CAST: variants seen among roughly 807,000 people sequenced by gnomAD.
The protein encoded by CAST is calpastatin.
A neutral mutation model predicts 119.6 loss-of-function variants in CAST; 76 were observed. The ratio of observed to expected loss-of-function variants is 0.64; its 90% CI spans 0.53 to 0.77. The LOEUF (loss-of-function observed/expected upper bound fraction) is 0.77, where lower values mean the gene tolerates loss of function less well. Among genes scored for constraint, CAST ranks in the 30% least tolerant of loss-of-function variants. The pLI, the probability that CAST is intolerant of heterozygous loss-of-function variation, is 0.00. For missense variants in CAST, 953 were observed against 946.5 expected (o/e 1.01, Z -0.09); for synonymous variants, 319 against 331.6 (o/e 0.96, Z 0.41).
At chr5:96,451,981 T>C in the CAST span, among the ~76,000 whole-genome samples, 1 of 152,152 alleles carries the variant, frequency 6.6e-6, no homozygotes, top group Non-Finnish European at 1.5e-5. Context: ...CATTAAAAAG[T>C]CAGGAAACAA....
upstream of CAST, among the ~76,000 whole-genome samples, chr5:96,657,389 G>A (rs573654562): frequency 9.2e-5 from 14 of 152,172 alleles, no homozygotes; most frequent in African/African-American, 3.4e-4. Context: ...ACCTATTAAT[G>A]GACAAAAGAC....
At chr5:96,100,155 G>A in the CAST span, among the ~76,000 whole-genome samples, 1 of 152,162 alleles carries the variant, frequency 6.6e-6, no homozygotes, top group Admixed American at 6.5e-5. Flanking sequence ...GATCTTCCCA[G>A]GTACCCTGCT....
intron 1 of CAST, chr5:96,545,131 T>A (rs1376356310): frequency 2.0e-5 from 3 of 152,194 alleles, no homozygotes; most frequent in African/African-American, 7.2e-5. Flanking sequence ...CTCTCAAAGA[T>A]CACTGTCTTT....
chr5:96,750,258 TA>T (rs1455171780), intron 19 of CAST, among the ~76,000 whole-genome samples: 1 of 152,242 alleles, frequency 6.6e-6, no homozygotes, highest in African/African-American at 2.4e-5. Context: ...GTACTATGCA[TA>T]GCACTTTGCC....
chr5:96,393,258 G>T, the CAST span: 1 of 1,613,960 alleles, frequency 6.2e-7, no homozygotes, highest in African/African-American at 1.3e-5. Context: ...TGCAGGAGTC[G>T]CAGCATGGCC....
chr5:96,363,459 A>G, the CAST span, among the ~76,000 whole-genome samples: 1 of 152,052 alleles, frequency 6.6e-6, no homozygotes, highest in Non-Finnish European at 1.5e-5. Context: ...GATTCTTCCT[A>G]CCCATGAGCA....
the CAST span, among the ~76,000 whole-genome samples, chr5:96,451,207 G>A: frequency 6.6e-6 from 1 of 152,190 alleles, no homozygotes; most frequent in Non-Finnish European, 1.5e-5. Context: ...ACATCTTTGT[G>A]TACTATCTAC....
At chr5:96,355,251 A>G in the CAST span, among the ~76,000 whole-genome samples, 6 of 149,604 alleles carry the variant, frequency 4.0e-5, no homozygotes, top group East Asian at 7.9e-4. Context: ...TCCTTGTTCA[A>G]CTCCCACTTG....
chr5:96,535,384 T>G (rs1745791442), intron 1 of CAST, among the ~76,000 whole-genome samples: 1 of 91,462 alleles, frequency 1.1e-5, no homozygotes, highest in African/African-American at 3.6e-5. Context: ...AAAGATAAAA[T>G]GTAAAAAATC....
the CAST span, among the ~76,000 whole-genome samples, chr5:96,376,598 GC>G: frequency 6.6e-6 from 1 of 152,046 alleles, no homozygotes; most frequent in South Asian, 2.1e-4. Flanking sequence ...GCACCACTAT[GC>G]CTGGTTAATT....
chr5:95,987,791 A>G, the CAST span, among the ~76,000 whole-genome samples: 1 of 152,230 alleles, frequency 6.6e-6, no homozygotes, highest in African/African-American at 2.4e-5. Context: ...GTGCTGTCCA[A>G]TATGATAGCC....
chr5:96,370,317 G>C, the CAST span, among the ~76,000 whole-genome samples: 1 of 152,020 alleles, frequency 6.6e-6, no homozygotes. Context: ...ATGAAACAGC[G>C]ACTGTAATAG....
the CAST span, among the ~76,000 whole-genome samples, chr5:96,434,612 T>C: frequency 2.2e-4 from 22 of 98,806 alleles, no homozygotes; most frequent in South Asian, 3.9e-4. Context: ...AGTTTGTTTT[T>C]TTTTTTGTTG....
intron 1 of CAST, among the ~76,000 whole-genome samples, chr5:96,595,172 C>G (rs1747032483): frequency 6.6e-6 from 1 of 152,174 alleles, no homozygotes; most frequent in South Asian, 2.1e-4. Context: ...TGGCAATGGA[C>G]ATGCACATGC....
chr5:96,618,554 G>A (rs988806119), intron 1 of CAST, among the ~76,000 whole-genome samples: 6 of 152,358 alleles, frequency 3.9e-5, no homozygotes, highest in South Asian at 4.1e-4. Flanking sequence ...TGGCGCTCGC[G>A]AGCTAGCGCA....
chr5:96,524,164 G>A (rs994597661), upstream of CAST, among the ~76,000 whole-genome samples: 2 of 152,158 alleles, frequency 1.3e-5, no homozygotes, highest in Admixed American at 6.6e-5. Context: ...AATGTGATTC[G>A]CATGTCATTC....
chr5:96,433,687 A>G, the CAST span, among the ~76,000 whole-genome samples: 2 of 152,282 alleles, frequency 1.3e-5, no homozygotes, highest in Admixed American at 1.3e-4. Context: ...TAGGTCTTTC[A>G]AAGAGAGAGG....
the CAST span, among the ~76,000 whole-genome samples, chr5:96,123,968 T>A: frequency 6.6e-6 from 1 of 152,152 alleles, no homozygotes; most frequent in Non-Finnish European, 1.5e-5. Flanking sequence ...TTCAGTTACC[T>A]CTTGTTTCCA....
At chr5:96,214,929 T>C in the CAST span, 1 of 152,170 alleles carries the variant, frequency 6.6e-6, no homozygotes, top group Non-Finnish European at 1.5e-5. Flanking sequence ...AAAGCCATAG[T>C]GTAATTCCAC....
Sources: allele counts gnomAD v4.1 joint callset (sites outside exome capture counted in the v4.1 genomes callset), GRCh38; gene constraint gnomAD v4.1.1; transcripts MANE v1.5; gene names NCBI Gene and HGNC (gene_info 2026-07-23, HGNC 2026-07-21).